GRIK1: variants seen among roughly 807,000 people sequenced by gnomAD.
The protein encoded by GRIK1 is glutamate receptor ionotropic, kainate 1.
In GRIK1, 69 loss-of-function variants were observed where a neutral mutation model predicts 105.7. That is an observed-to-expected ratio of 0.65 (90% CI 0.54 to 0.80). The LOEUF (loss-of-function observed/expected upper bound fraction) is 0.80. Among genes scored for constraint, GRIK1 ranks in the 30% least tolerant of loss-of-function variants. The pLI is 0.00. For synonymous variants in GRIK1, 438 were observed against 431.3 expected (o/e 1.02, Z -0.19); for missense variants, 1,109 against 1,167.3 (o/e 0.95, Z 0.73).
intron 14 of GRIK1, among the ~76,000 whole-genome samples, chr21:29,565,765 G>T (rs1490872058): frequency 6.6e-6 from 1 of 152,156 alleles, no homozygotes; most frequent in Non-Finnish European, 1.5e-5. Context: ...CTAGGCAACT[G>T]CAAGGAGTAT....
intron 1 of GRIK1, among the ~76,000 whole-genome samples, chr21:29,837,739 C>A (rs1467071741): frequency 6.3e-4 from 95 of 151,748 alleles, no homozygotes; most frequent in Non-Finnish European, 2.9e-5. Context: ...CCACTGTGAT[C>A]ATAAGATTTA....
At chr21:29,575,320 T>C (rs1359566791) in intron 14 of GRIK1, among the ~76,000 whole-genome samples, 1 of 150,308 alleles carries the variant, frequency 6.7e-6, no homozygotes. Flanking sequence ...CTCAGAAGGG[T>C]GGGAGGGTGG....
At chr21:29,542,754 G>A (rs2089991854) in intron 16 of GRIK1, among the ~76,000 whole-genome samples, 1 of 152,148 alleles carries the variant, frequency 6.6e-6, no homozygotes, top group Non-Finnish European at 1.5e-5. Flanking sequence ...TACCCTTGAG[G>A]ATTTTTCTGA....
intron 7 of GRIK1, among the ~76,000 whole-genome samples, chr21:29,610,678 T>C (rs2061712750): frequency 6.6e-6 from 1 of 152,158 alleles, no homozygotes; most frequent in African/African-American, 2.4e-5. Flanking sequence ...GTTAGAGTTC[T>C]GACTGCCAAA....
chr21:29,579,447 T>G (rs1378987050), intron 13 of GRIK1, among the ~76,000 whole-genome samples: 1 of 152,176 alleles, frequency 6.6e-6, no homozygotes, highest in African/African-American at 2.4e-5. Context: ...TGCTGAAGTC[T>G]CTTTAGTGCC....
At chr21:29,762,558 G>T (rs1440717715) in intron 1 of GRIK1, among the ~76,000 whole-genome samples, 1 of 152,134 alleles carries the variant, frequency 6.6e-6, no homozygotes, top group East Asian at 1.9e-4. Context: ...AGGAAAAGAG[G>T]TAAATAACTT....
intron 4 of GRIK1, among the ~76,000 whole-genome samples, chr21:29,671,464 T>C (rs2063159133): frequency 6.6e-6 from 1 of 152,056 alleles, no homozygotes; most frequent in Non-Finnish European, 1.5e-5. Context: ...TGGTCAACTT[T>C]TTTGACTGCT....
At chr21:29,899,198 A>C (rs1196555489) in intron 1 of GRIK1, among the ~76,000 whole-genome samples, 1 of 152,240 alleles carries the variant, frequency 6.6e-6, no homozygotes, top group Non-Finnish European at 1.5e-5. Flanking sequence ...AGCATTAACA[A>C]CACCTAAATT....
chr21:29,895,661 A>G (rs1159170958), intron 1 of GRIK1, among the ~76,000 whole-genome samples: 1 of 152,208 alleles, frequency 6.6e-6, no homozygotes, highest in Non-Finnish European at 1.5e-5. Context: ...CTTTGTCTAT[A>G]GCACTTGTTG....
At chr21:29,876,112 A>ATGTG (rs1555903193) in intron 1 of GRIK1, among the ~76,000 whole-genome samples, 14,309 of 148,948 alleles carry the variant, frequency 0.096, 891 homozygotes, top group African/African-American at 0.19. Context: ...GGAGATAGAT[A>ATGTG]TGTGTGTGTG....
intron 1 of GRIK1, among the ~76,000 whole-genome samples, chr21:29,895,236 A>T (rs575841581): frequency 1.4e-4 from 22 of 152,188 alleles, no homozygotes; most frequent in African/African-American, 5.1e-4. Context: ...GGGAGTGAAA[A>T]CCCAGGGGTA....
intron 1 of GRIK1, among the ~76,000 whole-genome samples, chr21:29,881,478 A>G (rs1176632343): frequency 6.6e-6 from 1 of 152,146 alleles, no homozygotes; most frequent in African/African-American, 2.4e-5. Flanking sequence ...CACACAGCAG[A>G]TAAGTGTCTT....
At chr21:29,870,100 T>C (rs2068958852) in intron 1 of GRIK1, among the ~76,000 whole-genome samples, 1 of 152,210 alleles carries the variant, frequency 6.6e-6, no homozygotes, top group Non-Finnish European at 1.5e-5. Context: ...ATTGTTTATC[T>C]GAAATTCAAA....
chr21:29,771,972 T>A (rs1023798366), intron 1 of GRIK1, among the ~76,000 whole-genome samples: 1 of 152,220 alleles, frequency 6.6e-6, no homozygotes, highest in South Asian at 2.1e-4. Context: ...CCATTCTTTT[T>A]AGTTGATGCC....
intron 7 of GRIK1, among the ~76,000 whole-genome samples, chr21:29,603,104 A>T (rs1306217578): frequency 2.0e-5 from 3 of 152,182 alleles, no homozygotes; most frequent in Admixed American, 6.5e-5. Context: ...ACAGAATTTC[A>T]TAAAGAGTAT....
At chr21:29,686,976 G>A (rs1333409010) in intron 3 of GRIK1, among the ~76,000 whole-genome samples, 1 of 152,172 alleles carries the variant, frequency 6.6e-6, no homozygotes, top group Non-Finnish European at 1.5e-5. Flanking sequence ...GGGAATCAGC[G>A]ACAAGTAGGT....
chr21:29,917,138 A>G (rs1021425454), intron 1 of GRIK1, among the ~76,000 whole-genome samples: 2 of 152,004 alleles, frequency 1.3e-5, no homozygotes, highest in African/African-American at 4.8e-5. Context: ...ACACCTAAAT[A>G]CTTTCCAAAT....
At chr21:29,571,818 GAGA>G (rs918749835) in intron 14 of GRIK1, among the ~76,000 whole-genome samples, 2 of 152,170 alleles carry the variant, frequency 1.3e-5, no homozygotes, top group African/African-American at 2.4e-5. Flanking sequence ...CTGCTTTTCT[GAGA>G]AGAAAAACAC....
At chr21:29,653,211 G>A (rs1351618836) in intron 5 of GRIK1, among the ~76,000 whole-genome samples, 1 of 152,158 alleles carries the variant, frequency 6.6e-6, no homozygotes, top group Non-Finnish European at 1.5e-5. Flanking sequence ...TGAATAGAAA[G>A]ACAGTTAAGT....
Sources: allele counts gnomAD v4.1 joint callset (sites outside exome capture counted in the v4.1 genomes callset), GRCh38; gene constraint gnomAD v4.1.1; transcripts MANE v1.5; gene names NCBI Gene and HGNC (gene_info 2026-07-23, HGNC 2026-07-21).